TNFSF4: variants seen among roughly 807,000 people sequenced by gnomAD.
TNFSF4 encodes the protein TNF superfamily member 4.
Under a neutral mutation model 7.3 loss-of-function variants are expected in TNFSF4, and 4 were observed. The ratio of observed to expected loss-of-function variants is 0.55; its 90% CI spans 0.27 to 1.25. The LOEUF is 1.25. Ranked by LOEUF, TNFSF4 falls within the 50% of genes most tolerant of loss-of-function variation. TNFSF4 has a pLI of 0.12. For synonymous variants in TNFSF4, 76 were observed against 83.7 expected (o/e 0.91, Z 0.50); for missense variants, 181 against 208.8 (o/e 0.87, Z 0.82).
chr1:173,240,991 C>T, the TNFSF4 span, among the ~76,000 whole-genome samples: 4 of 152,178 alleles, frequency 2.6e-5, no homozygotes, highest in Non-Finnish European at 4.4e-5. Context: ...CTAGCCACAA[C>T]ATTTACCTAT....
chr1:173,322,081 T>C, the TNFSF4 span, among the ~76,000 whole-genome samples: 1 of 152,194 alleles, frequency 6.6e-6, no homozygotes, highest in Non-Finnish European at 1.5e-5. Flanking sequence ...CGATTAATAA[T>C]AGACTGGATA....
the TNFSF4 span, chr1:173,351,568 A>G: frequency 2.1e-5 from 4 of 188,826 alleles, no homozygotes; most frequent in East Asian, 1.2e-4. Context: ...TAAAGCTTCA[A>G]AATTTTTTAA....
chr1:173,341,266 C>T, the TNFSF4 span, among the ~76,000 whole-genome samples: 1 of 152,156 alleles, frequency 6.6e-6, no homozygotes, highest in African/African-American at 2.4e-5. Flanking sequence ...TCCTTCTTAT[C>T]TGCTTGGGAC....
At chr1:173,385,024 C>G in the TNFSF4 span, among the ~76,000 whole-genome samples, 1 of 152,290 alleles carries the variant, frequency 6.6e-6, no homozygotes, top group Non-Finnish European at 1.5e-5. Flanking sequence ...GCAAACAGGA[C>G]TCTAGTACTA....
the TNFSF4 span, among the ~76,000 whole-genome samples, chr1:173,352,463 C>T: frequency 2.0e-5 from 3 of 152,030 alleles, no homozygotes; most frequent in Admixed American, 6.5e-5. Context: ...GCTGGGTGTC[C>T]GGGGGAGACA....
the TNFSF4 span, among the ~76,000 whole-genome samples, chr1:173,354,601 A>G: frequency 2.2e-3 from 339 of 152,334 alleles, no homozygotes; most frequent in Non-Finnish European, 3.5e-3. Context: ...CAAAAGGCTG[A>G]TAAATTTCAA....
intron 1 of TNFSF4, among the ~76,000 whole-genome samples, chr1:173,191,606 C>T (rs1649481897): frequency 6.6e-6 from 1 of 152,152 alleles, no homozygotes; most frequent in Non-Finnish European, 1.5e-5. Context: ...GTCTAATGAT[C>T]CAGCCAACTA....
At chr1:173,244,897 G>C in the TNFSF4 span, among the ~76,000 whole-genome samples, 1 of 151,928 alleles carries the variant, frequency 6.6e-6, no homozygotes, top group Non-Finnish European at 1.5e-5. Context: ...CTTCTCAGTT[G>C]TTTCTATGTA....
At chr1:173,203,561 C>A (rs1650041655) in intron 1 of TNFSF4, among the ~76,000 whole-genome samples, 1 of 151,868 alleles carries the variant, frequency 6.6e-6, no homozygotes. Context: ...TTAAATGATA[C>A]AAAGAAAGGT....
chr1:173,419,834 G>A, the TNFSF4 span, among the ~76,000 whole-genome samples: 1 of 152,042 alleles, frequency 6.6e-6, no homozygotes, highest in Non-Finnish European at 1.5e-5. Context: ...ATTAACTATA[G>A]CTCCTAGAGC....
the TNFSF4 span, among the ~76,000 whole-genome samples, chr1:173,312,497 C>T: frequency 6.6e-6 from 1 of 151,928 alleles, no homozygotes; most frequent in African/African-American, 2.4e-5. Flanking sequence ...CCTTTTTCCT[C>T]TCTGAAATCC....
the TNFSF4 span, among the ~76,000 whole-genome samples, chr1:173,335,903 A>G: frequency 6.6e-6 from 1 of 152,220 alleles, no homozygotes; most frequent in Non-Finnish European, 1.5e-5. Flanking sequence ...TTCCAGGACT[A>G]CTGAACACTG....
chr1:173,256,991 A>G, the TNFSF4 span, among the ~76,000 whole-genome samples: 1 of 152,256 alleles, frequency 6.6e-6, no homozygotes, highest in East Asian at 1.9e-4. Context: ...GACTAAAGTC[A>G]TCTTCTTGAA....
the TNFSF4 span, among the ~76,000 whole-genome samples, chr1:173,221,786 T>C: frequency 6.6e-6 from 1 of 152,236 alleles, no homozygotes; most frequent in Non-Finnish European, 1.5e-5. Context: ...CCTTGGTCAC[T>C]TGGCTAACTC....
chr1:173,423,424 C>G, the TNFSF4 span, among the ~76,000 whole-genome samples: 2 of 152,204 alleles, frequency 1.3e-5, no homozygotes, highest in African/African-American at 4.8e-5. Flanking sequence ...CTCCCTCCCT[C>G]CCCCACAGCA....
the TNFSF4 span, among the ~76,000 whole-genome samples, chr1:173,439,595 G>A: frequency 6.6e-6 from 1 of 152,208 alleles, no homozygotes; most frequent in Non-Finnish European, 1.5e-5. Flanking sequence ...CAGGAGGAAA[G>A]GGACAATTGA....
chr1:173,216,718 T>C, the TNFSF4 span, among the ~76,000 whole-genome samples: 2 of 152,078 alleles, frequency 1.3e-5, no homozygotes, highest in African/African-American at 4.8e-5. Context: ...TGCTCAGAAG[T>C]CTTTGGGGTA....
downstream of TNFSF4, among the ~76,000 whole-genome samples, chr1:173,182,943 G>A (rs1342747517): frequency 6.6e-6 from 1 of 152,160 alleles, no homozygotes; most frequent in Admixed American, 6.5e-5. Context: ...GTTTGGGAAG[G>A]TTGCTGCCAT....
chr1:173,308,267 TTCTCTCTCTC>T, the TNFSF4 span, among the ~76,000 whole-genome samples: 1 of 132,896 alleles, frequency 7.5e-6, no homozygotes, highest in African/African-American at 3.2e-5. Context: ...CTCTCTCTCT[TTCTCTCTCTC>T]TCTCTCTCTG....
Sources: gnomAD v4.1 joint callset for allele counts (sites outside exome capture counted in the v4.1 genomes callset) on GRCh38, gnomAD v4.1.1 for gene constraint, MANE v1.5 for transcripts, NCBI Gene and HGNC (gene_info 2026-07-23, HGNC 2026-07-21) for gene names.